MAGI2: variants seen among roughly 807,000 people sequenced by gnomAD.
The protein encoded by MAGI2 is membrane associated guanylate kinase, WW and PDZ domain containing 2.
Under a neutral mutation model 133.3 loss-of-function variants are expected in MAGI2, and 35 were observed. That is an observed-to-expected ratio of 0.26 (90% CI 0.20 to 0.35). The LOEUF (loss-of-function observed/expected upper bound fraction) is 0.35. MAGI2 is among the 10% of genes least tolerant of loss of function. MAGI2 has a pLI of 1.00. For synonymous variants in MAGI2, 729 were observed against 710.6 expected (o/e 1.03, Z -0.41); for missense variants, 1,636 against 1,863.4 (o/e 0.88, Z 2.25).
At chr7:79,003,881 C>G (rs1179313298) in intron 2 of MAGI2, among the ~76,000 whole-genome samples, 2 of 152,064 alleles carry the variant, frequency 1.3e-5, no homozygotes, top group Non-Finnish European at 1.5e-5. Context: ...CAAATAAGTG[C>G]AAATCAAAAC....
chr7:78,516,518 A>G (rs1563110803), intron 4 of MAGI2, among the ~76,000 whole-genome samples: 2 of 152,036 alleles, frequency 1.3e-5, no homozygotes, highest in Non-Finnish European at 2.9e-5. Flanking sequence ...AGGTCTGGCT[A>G]ATTTTTATAT....
intron 2 of MAGI2, among the ~76,000 whole-genome samples, chr7:78,878,993 GGGCCCCTATGCTTCATGCCT>G (rs1463262790): frequency 2.0e-5 from 3 of 152,078 alleles, no homozygotes; most frequent in Non-Finnish European, 4.4e-5. Flanking sequence ...TAGTTCAGTA[GGGCCCCTATGCTTCATGCCT>G]AGGCAGATCT....
At chr7:78,373,014 G>T in intron 6 of MAGI2, among the ~76,000 whole-genome samples, 1 of 151,966 alleles carries the variant, frequency 6.6e-6, no homozygotes, top group East Asian at 1.9e-4. Context: ...TAACAGTCGG[G>T]GTTCCGTTGT....
intron 7 of MAGI2, among the ~76,000 whole-genome samples, chr7:78,353,664 C>T (rs1290027674): frequency 1.3e-5 from 2 of 152,144 alleles, no homozygotes; most frequent in Admixed American, 6.5e-5. Context: ...GACATGTAAA[C>T]AGACTGTAGA....
chr7:78,776,746 T>A (rs1027023803), intron 2 of MAGI2, among the ~76,000 whole-genome samples: 3 of 152,152 alleles, frequency 2.0e-5, no homozygotes, highest in African/African-American at 7.2e-5. Flanking sequence ...TATCTGACAG[T>A]GGGAAAAATT....
At chr7:78,545,262 G>C (rs928737964) in intron 3 of MAGI2, among the ~76,000 whole-genome samples, 4 of 144,672 alleles carry the variant, frequency 2.8e-5, no homozygotes, top group African/African-American at 1.0e-4. Flanking sequence ...ATCCAGGCTG[G>C]AGAGCAGTGG....
intron 9 of MAGI2, among the ~76,000 whole-genome samples, chr7:78,294,838 T>A (rs1797070499): frequency 1.3e-5 from 2 of 152,286 alleles, no homozygotes; most frequent in South Asian, 2.1e-4. Flanking sequence ...AAGGCTGAAT[T>A]GCATTTAAAA....
At chr7:78,397,370 C>CACACACACACAA (rs1297289952) in intron 6 of MAGI2, among the ~76,000 whole-genome samples, 2 of 127,074 alleles carry the variant, frequency 1.6e-5, no homozygotes, top group Non-Finnish European at 3.4e-5. Flanking sequence ...AATTCCTACA[C>CACACACACACAA]ACACACACAC....
intron 1 of MAGI2, among the ~76,000 whole-genome samples, chr7:79,181,994 A>G (rs552449754): frequency 2.6e-5 from 4 of 152,022 alleles, no homozygotes; most frequent in Admixed American, 2.6e-4. Context: ...CCTGGATTTC[A>G]TTGTCCATAT....
chr7:79,003,076 C>T (rs1475107660), intron 2 of MAGI2, among the ~76,000 whole-genome samples: 2 of 152,012 alleles, frequency 1.3e-5, no homozygotes, highest in African/African-American at 4.8e-5. Context: ...AACCACCTTC[C>T]TCCCCTGCTT....
intron 2 of MAGI2, among the ~76,000 whole-genome samples, chr7:78,867,163 C>T (rs548156370): frequency 4.0e-5 from 6 of 150,576 alleles, no homozygotes; most frequent in Non-Finnish European, 8.9e-5. Context: ...CTAGAAATAC[C>T]ATTTGACCCA....
intron 2 of MAGI2, among the ~76,000 whole-genome samples, chr7:78,930,602 G>A (rs886581202): frequency 3.9e-5 from 6 of 152,052 alleles, no homozygotes; most frequent in Non-Finnish European, 8.8e-5. Context: ...ACTCACTGAA[G>A]AGTACTTTAA....
intron 10 of MAGI2, among the ~76,000 whole-genome samples, chr7:78,204,617 A>T (rs919824578): frequency 6.6e-6 from 1 of 152,170 alleles, no homozygotes; most frequent in African/African-American, 2.4e-5. Context: ...AATTTTTTTT[A>T]TAATGATCTG....
chr7:79,152,253 GA>G (rs1251733600), intron 1 of MAGI2, among the ~76,000 whole-genome samples: 18 of 152,154 alleles, frequency 1.2e-4, no homozygotes, highest in Non-Finnish European at 2.1e-4. Context: ...AACTGAATTT[GA>G]AAAGCAGAAT....
At position 78,608,471 on chromosome 7, in the gene MAGI2, G is replaced by GTGTGTA. The variant is rs1554496900; in HGVS notation, c.538+18648_538+18649insTACACA. Among the ~76,000 whole-genome samples the GTGTGTA allele has an allele frequency of 6.4e-3, 958 of 149,688 alleles. 17 individuals carry two copies. Among genetic ancestry groups the GTGTGTA allele is most frequent in the African/African-American group, 0.022 (905 of 40,668 alleles). On this transcript the variant is annotated intron_variant, in intron 3 of 21. Transcript: ENST00000354212. ...TATGTATATATATATGTGTGTGTATGTATATATATATATATACGTATATAT... is the reference window on the plus strand; with the variant it reads ...TATGTATATATATATGTGTGTGTATGTGTGTATATATATATATATATACGTATATAT...
chr7:79,214,786 T>C (rs1829873835), intron 1 of MAGI2, among the ~76,000 whole-genome samples: 1 of 141,332 alleles, frequency 7.1e-6, no homozygotes, highest in Non-Finnish European at 1.5e-5. Flanking sequence ...TATAAAAATA[T>C]ATATTAATAT....
At chr7:79,042,857 GA>G (rs1362950593) in intron 1 of MAGI2, among the ~76,000 whole-genome samples, 1 of 151,148 alleles carries the variant, frequency 6.6e-6, no homozygotes, top group African/African-American at 2.4e-5. Context: ...TCCCAACAAA[GA>G]AAAAAACAAA....
chr7:78,210,084 T>C (rs1452191238), intron 10 of MAGI2, among the ~76,000 whole-genome samples: 4 of 152,214 alleles, frequency 2.6e-5, no homozygotes, highest in African/African-American at 4.8e-5. Context: ...TTCCTTTATA[T>C]GGTTCTATTT....
chr7:78,567,352 A>G (rs912830050), intron 3 of MAGI2, among the ~76,000 whole-genome samples: 1 of 151,746 alleles, frequency 6.6e-6, no homozygotes, highest in Non-Finnish European at 1.5e-5. Context: ...ATACCTTCCA[A>G]ATACCTTGAA....
Sources: allele counts gnomAD v4.1 joint callset (sites outside exome capture counted in the v4.1 genomes callset), GRCh38; gene constraint gnomAD v4.1.1; transcripts MANE v1.5; gene names NCBI Gene and HGNC (gene_info 2026-07-23, HGNC 2026-07-21).